The following BPIFB4 variants were observed in gnomAD, a reference collection of about 807,000 sequenced individuals.
BPIFB4 encodes BPI fold-containing family B member 4.
BPIFB4 carries 62 observed loss-of-function variants against 69.2 expected under a neutral mutation model. The observed-to-expected ratio is 0.90, with a 90% CI of 0.73 to 1.11. The LOEUF (loss-of-function observed/expected upper bound fraction) is 1.11, where lower values mean the gene tolerates loss of function less well. Ranked by LOEUF, BPIFB4 falls within the 50% of genes least tolerant of loss-of-function variation. The probability of loss-of-function intolerance (pLI) is 0.00; values close to 1 mark genes in which losing one functional copy is unlikely to be tolerated. For missense variants in BPIFB4, 789 were observed against 792.0 expected, an observed-to-expected ratio of 1.00 and a Z score of 0.04; for synonymous variants, 330 against 332.7, an observed-to-expected ratio of 0.99 and a Z score of 0.09.
intron 16 of BPIFB4, among the ~76,000 whole-genome samples, 159 bp downstream of exon 16, chr20:33,105,032 G>T (rs752310204): frequency 7.2e-5 from 11 of 152,056 alleles, no homozygotes; most frequent in Non-Finnish European, 1.6e-4. Flanking sequence ...TCCAAACGTG[G>T]CCCCCAAAGT....
chr20:33,097,333 C>T (rs1482372304), intron 12 of BPIFB4, among the ~76,000 whole-genome samples: 1 of 152,112 alleles, frequency 6.6e-6, no homozygotes, highest in Non-Finnish European at 1.5e-5. Context: ...TCTGGGAGAC[C>T]CCATTTCACT....
At chr20:33,084,312 G>A (rs1039795002) in intron 5 of BPIFB4, among the ~76,000 whole-genome samples, 3 of 152,316 alleles carry the variant, frequency 2.0e-5, no homozygotes, top group Middle Eastern at 6.8e-3. Context: ...TGGCACTGGG[G>A]ACATGACCCA....
At chr20:33,093,395 C>T (rs1367549058) in intron 11 of BPIFB4, among the ~76,000 whole-genome samples, 1 of 151,968 alleles carries the variant, frequency 6.6e-6, no homozygotes, top group African/African-American at 2.4e-5. Context: ...ATCCATCCAC[C>T]CACCCACCCA....
chr20:33,083,170 T>C (rs1371949668), intron 4 of BPIFB4, among the ~76,000 whole-genome samples, 170 bp downstream of exon 4: 1 of 110,032 alleles, frequency 9.1e-6, no homozygotes, highest in East Asian at 3.2e-4. Flanking sequence ...GTGGCAGCAG[T>C]GGTGGGGAGT....
At chr20:33,100,539 T>TC in intron 14 of BPIFB4, 46 bp downstream of exon 14, 2 of 1,547,388 alleles carry the variant, frequency 1.3e-6, no homozygotes, top group Non-Finnish European at 1.8e-6. Context: ...CTGGTGCTGC[T>TC]CATGGAGGAG....
At chr20:33,106,439 C>T (rs1370434950) in intron 16 of BPIFB4, among the ~76,000 whole-genome samples, 1 of 148,660 alleles carries the variant, frequency 6.7e-6, no homozygotes, top group African/African-American at 2.5e-5. Flanking sequence ...GTGGCACGAT[C>T]TCGGCTCACT....
intron 16 of BPIFB4, 127 bp downstream of exon 16, chr20:33,105,000 C>A: frequency 1.1e-6 from 1 of 931,630 alleles, no homozygotes; most frequent in Non-Finnish European, 1.6e-6. Flanking sequence ...TCCTTTGAAG[C>A]GTGTCGATGA....
At chr20:33,083,938 C>A in intron 5 of BPIFB4, 64 bp downstream of exon 5, 1 of 1,509,860 alleles carries the variant, frequency 6.6e-7, no homozygotes, top group Non-Finnish European at 8.8e-7. Flanking sequence ...GTGATCACTC[C>A]CTGAAGCTGG....
chr20:33,089,737 C>CT (rs397959797), intron 9 of BPIFB4, among the ~76,000 whole-genome samples, 179 bp downstream of exon 9: 2 of 151,142 alleles, frequency 1.3e-5, no homozygotes, highest in East Asian at 1.9e-4. Flanking sequence ...ACACCCCCCC[C>CT]GAGTACCAGA....
chr20:33,108,731 T>A (rs1982149138), intron 17 of BPIFB4, among the ~76,000 whole-genome samples: 2 of 152,196 alleles, frequency 1.3e-5, no homozygotes, highest in Admixed American at 6.5e-5. Context: ...TAACGTGCCT[T>A]GCACAGGCCT....
chr20:33,090,838 C>A (rs918939832), intron 10 of BPIFB4, 39 bp downstream of exon 10: 1 of 1,610,648 alleles, frequency 6.2e-7, no homozygotes, highest in African/African-American at 1.3e-5. Context: ...TGGTGGCCCT[C>A]CTCCCAAAGG....
intron 7 of BPIFB4, 46 bp downstream of exon 7, chr20:33,086,210 G>A (rs766760226): frequency 1.3e-6 from 2 of 1,586,134 alleles, no homozygotes; most frequent in Non-Finnish European, 1.7e-6. Flanking sequence ...TGCTGGAATG[G>A]TCTGTCTTTG....
intron 14 of BPIFB4, 106 bp from the exon 15 acceptor site, chr20:33,102,866 T>A: frequency 8.9e-7 from 1 of 1,123,370 alleles, no homozygotes; most frequent in Admixed American, 1.7e-5. Flanking sequence ...AGGTGGAGAG[T>A]GATCGTGAGG....
intron 3 of BPIFB4, among the ~76,000 whole-genome samples, chr20:33,082,483 A>AC (rs1227849274): frequency 8.6e-5 from 13 of 151,954 alleles, no homozygotes; most frequent in Non-Finnish European, 1.6e-4. Context: ...ACAGGTGCCC[A>AC]CCACCACACC....
At position 33,111,498 on chromosome 20, in the gene BPIFB4, C is replaced by A. The variant is rs551444431; in HGVS notation, c.*61C>A. 1.9e-6 allele frequency: 3 copies of A among 1,603,104 alleles called. No homozygotes were observed. Among genetic ancestry groups the A allele is most frequent in the East Asian group, 2.2e-5 (1 of 44,710 alleles). ...AGCTGGAACCAGTCCCAGAGAGGCT[C>A]GGCCTGGAAACAGTCCCCTGCCCAG... is the stretch of plus-strand genomic sequence containing the variant. On this transcript the variant is annotated 3_prime_UTR_variant, in exon 18 of 18. Transcript: ENST00000375483.
rs148213084 is a variant in BPIFB4, at chr20:33,108,899, T to C, written c.1821+1079T>C. On this transcript the variant is annotated intron_variant, in intron 17 of 17. Coordinates refer to ENST00000375483, the MANE Select transcript of BPIFB4 (RefSeq NM_182519.3). ...AGAAATGGAATGAATGGGGCCTTTGTGCCAGATTGACAATTTCCTTGCCGA... is the reference window on the plus strand; with the variant it reads ...AGAAATGGAATGAATGGGGCCTTTGCGCCAGATTGACAATTTCCTTGCCGA... Among the ~76,000 whole-genome samples the C allele has an allele frequency of 4.6e-3, 700 of 152,332 alleles. 6 individuals carry two copies. The highest frequency in any genetic ancestry group is 0.016 in the African/African-American group (657 of 41,572).
At chr20:33,088,264 C>T (rs1480170722) in intron 7 of BPIFB4, among the ~76,000 whole-genome samples, 1 of 151,568 alleles carries the variant, frequency 6.6e-6, no homozygotes, top group Non-Finnish European at 1.5e-5. Flanking sequence ...TTTCTTGAGC[C>T]CGGGAGTTCA....
intron 14 of BPIFB4, among the ~76,000 whole-genome samples, chr20:33,102,734 G>A (rs1270919845): frequency 2.0e-5 from 3 of 152,246 alleles, no homozygotes; most frequent in African/African-American, 7.2e-5. Flanking sequence ...CACAAAGCTA[G>A]TAGGTGGCAA....
rs1426455209 is a variant in BPIFB4, at chr20:33,092,591, TC to T, written c.1279del (p.Leu427TrpfsTer5). On this transcript the variant is annotated frameshift_variant, in exon 11 of 18. Coordinates refer to ENST00000375483, the MANE Select transcript of BPIFB4 (RefSeq NM_182519.3). LOFTEE classifies it high-confidence loss of function. ...TCCCAGCTGGCCATGTCTGCCAACTTCCTGGGCTCAGTGCTGACTCTACTGC... is the reference window on the plus strand; with the variant it reads ...TCCCAGCTGGCCATGTCTGCCAACTTCTGGGCTCAGTGCTGACTCTACTGC... ...TKSQLAMSAN[F>X]LGSVLTLLQK... is the part of the protein sequence containing the mutation. 3 of 1,613,926 alleles carry T rather than the reference TC, an allele frequency of 1.9e-6. No homozygotes were observed. The highest frequency in any genetic ancestry group is 2.2e-5 in the South Asian group (2 of 91,084).
Sources: gnomAD v4.1 joint callset for allele counts (sites outside exome capture counted in the v4.1 genomes callset) on GRCh38, gnomAD v4.1.1 for gene constraint, MANE v1.5 for transcripts, NCBI Gene and HGNC (gene_info 2026-07-23, HGNC 2026-07-21) for gene names.